The following C1QB variants were observed in gnomAD, a reference collection of about 807,000 sequenced individuals.
The protein encoded by C1QB is complement C1q subcomponent subunit B.
C1QB carries 2 observed loss-of-function variants against 4.6 expected under a neutral mutation model. The observed-to-expected ratio is 0.43, with a 90% CI of 0.18 to 1.36. The LOEUF (loss-of-function observed/expected upper bound fraction) is 1.36. Ranked by LOEUF, C1QB falls within the 40% of genes most tolerant of loss-of-function variation. The pLI, the probability that C1QB is intolerant of heterozygous loss-of-function variation, is 0.28. For synonymous variants in C1QB, 132 were observed against 137.1 expected, an observed-to-expected ratio of 0.96 and a Z score of 0.26; for missense variants, 292 against 338.0, an observed-to-expected ratio of 0.86 and a Z score of 1.07.
intron 1 of C1QB, among the ~76,000 whole-genome samples, chr1:22,656,661 C>A (rs1325968964): frequency 6.6e-6 from 1 of 152,152 alleles, no homozygotes; most frequent in African/African-American, 2.4e-5. Context: ...TCCCCACACA[C>A]CAAGCAAGCA....
chr1:22,659,377 T>A (rs1642585229), intron 1 of C1QB, 63 bp from the exon 2 acceptor site: 1 of 1,419,022 alleles, frequency 7.0e-7, no homozygotes, highest in Admixed American at 1.7e-5. Flanking sequence ...GATGGATGGA[T>A]GGATGGATGG....
intron 2 of C1QB, among the ~76,000 whole-genome samples, chr1:22,660,396 G>C (rs959638820): frequency 1.3e-5 from 2 of 152,112 alleles, no homozygotes; most frequent in Admixed American, 6.5e-5. Context: ...TGGCTGCTTG[G>C]GGGGTGGAGT....
chr1:22,659,730 C>T, intron 2 of C1QB, 87 bp downstream of exon 2: 1 of 1,470,954 alleles, frequency 6.8e-7, no homozygotes, highest in Non-Finnish European at 9.3e-7. Context: ...ACCTTTGAGA[C>T]TGCAAAAGCA....
intron 1 of C1QB, among the ~76,000 whole-genome samples, chr1:22,655,906 G>GA (rs1476957555): frequency 6.6e-6 from 1 of 152,098 alleles, no homozygotes. Context: ...TTCGAATGAA[G>GA]AAAAAACATT....
intron 2 of C1QB, 86 bp downstream of exon 2, chr1:22,659,729 A>G: frequency 6.8e-7 from 1 of 1,479,806 alleles, no homozygotes; most frequent in South Asian, 1.2e-5. Flanking sequence ...TACCTTTGAG[A>G]CTGCAAAAGC....
In C1QB at chr1:22,661,113, G is replaced by A; in HGVS notation, c.483G>A (p.Lys161=). 1 of 1,614,178 alleles carries A rather than the reference G, an allele frequency of 6.2e-7. No individual in the cohort carries two copies. Among genetic ancestry groups the A allele is most frequent in the Non-Finnish European group, 8.5e-7 (1 of 1,180,034 alleles). Residue 161 remains lysine, a synonymous_variant, in exon 3 of 3, where the codon AAG becomes AAA. Transcript: ENST00000509305. ...CCCGCAGTGGCAAGTTCACCTGCAAGGTGCCCGGTCTCTACTACTTCACCT... is the reference window on the plus strand; with the variant it reads ...CCCGCAGTGGCAAGTTCACCTGCAAAGTGCCCGGTCTCTACTACTTCACCT... ...YEPRSGKFTC[K]VPGLYYFTYH...
chr1:22,660,718 G>A (rs1194177853), intron 2 of C1QB, 94 bp from the exon 3 acceptor site: 34 of 1,265,820 alleles, frequency 2.7e-5, no homozygotes, highest in Non-Finnish European at 3.9e-5. Context: ...GGAGACTGAG[G>A]CTCAGAGAGA....
At position 22,661,168 on chromosome 1, in the gene C1QB, G is replaced by A. The variant is rs111512332; in HGVS notation, c.538G>A (p.Val180Met). 7.4e-4 allele frequency: 1,191 copies of A among 1,614,140 alleles called. 10 individuals are homozygous for A. The African/African-American group carries it at 0.013, about 17-fold the overall frequency. Reference protein sequence around the residue: ...YHASSRGNLCVNLMRGRERAQ... With the variant: ...YHASSRGNLCMNLMRGRERAQ... ...CGCCAGCTCTCGAGGGAACCTGTGC[G>A]TGAACCTCATGCGTGGCCGGGAGCG... Residue 180 changes from valine to methionine, a missense_variant, in exon 3 of 3, where the codon GTG (valine) becomes ATG (methionine). Physicochemically the swap from Val to Met is conservative, Grantham distance 21. Coordinates refer to ENST00000509305, the MANE Select transcript of C1QB (RefSeq NM_001378156.1).
At chr1:22,656,371 A>G (rs978731888) in intron 1 of C1QB, among the ~76,000 whole-genome samples, 2 of 152,200 alleles carry the variant, frequency 1.3e-5, no homozygotes, top group Non-Finnish European at 2.9e-5. Flanking sequence ...ATGTCCACCA[A>G]TGATGAGTGG....
intron 2 of C1QB, among the ~76,000 whole-genome samples, chr1:22,659,892 G>A (rs1217433715): frequency 6.6e-6 from 1 of 152,154 alleles, no homozygotes; most frequent in Non-Finnish European, 1.5e-5. Flanking sequence ...ACCAGACCAC[G>A]GATCTCTTAC....
At chr1:22,658,193 C>T (rs1361535504) in intron 1 of C1QB, among the ~76,000 whole-genome samples, 1 of 152,186 alleles carries the variant, frequency 6.6e-6, no homozygotes, top group African/African-American at 2.4e-5. Context: ...AGCTTAGTTG[C>T]CTCTCCACTC....
In C1QB at chr1:22,661,341, C is replaced by T. The variant is rs775134650; in HGVS notation, c.711C>T (p.Asn237=). 1 of 1,614,050 alleles carries T rather than the reference C, an allele frequency of 6.2e-7. No individual in the cohort carries two copies. The highest frequency in any genetic ancestry group is 8.5e-7 in the Non-Finnish European group (1 of 1,180,024). The change falls in exon 3 of 3, where the codon AAC becomes AAT. Residue 237 remains asparagine (N), a synonymous_variant. Transcript: ENST00000509305. The stretch of plus-strand genomic sequence containing the variant: ...CACTACTGGGCATGGAGGGTGCCAA[C>T]AGCATCTTTTCCGGGTTCCTGCTCT... The part of the protein sequence containing the change: ...KNSLLGMEGA[N]SIFSGFLLFP...
chr1:22,660,677 G>T, intron 2 of C1QB, 135 bp from the exon 3 acceptor site: 1 of 865,760 alleles, frequency 1.2e-6, no homozygotes, highest in Non-Finnish European at 1.9e-6. Flanking sequence ...CAGAGCCCCT[G>T]CCTGACACTG....
intron 1 of C1QB, among the ~76,000 whole-genome samples, chr1:22,656,073 T>C (rs1642525331): frequency 6.6e-6 from 1 of 152,108 alleles, no homozygotes; most frequent in Non-Finnish European, 1.5e-5. Flanking sequence ...GGAAATAATG[T>C]GATGTGCAGC....
rs750117917 is a variant in C1QB at position 22,661,039 on chromosome 1, A to G, written c.409A>G (p.Thr137Ala). ...CAACGTCCCCCTGCGCCGGGACCAG[A>G]CCATCCGCTTCGACCACGTGATCAC... ...TINVPLRRDQ[T>A]IRFDHVITNM... The change falls in exon 3 of 3, where the codon ACC becomes GCC. Residue 137 changes from threonine (T) to alanine (A), a missense_variant. Coordinates refer to ENST00000509305, the MANE Select transcript of C1QB (RefSeq NM_001378156.1). The G allele has an allele frequency of 1.9e-6, 3 of 1,613,842 alleles. No homozygotes were observed. In the African/African-American group the frequency reaches 4.0e-5, roughly 22 times the overall value.
At position 22,660,838 on chromosome 1, in the gene C1QB, G is replaced by A. The variant is rs1158228526; in HGVS notation, c.208G>A (p.Gly70Ser). 2 of 1,613,982 alleles carry A rather than the reference G, an allele frequency of 1.2e-6. No individual in the cohort carries two copies. Among genetic ancestry groups the A allele is most frequent in the South Asian group, 2.2e-5 (2 of 91,068 alleles). The part of the protein sequence containing the change: ...KGLPGLAGDH[G>S]EFGEKGDPGI... Reference sequence around the variant, plus strand: ...GCTTCCAGGGCTGGCTGGAGACCATGGTGAGTTCGGAGAGAAGGGAGACCC... The same window carrying A: ...GCTTCCAGGGCTGGCTGGAGACCATAGTGAGTTCGGAGAGAAGGGAGACCC... Residue 70 changes from glycine (G) to serine (S), a missense_variant, in exon 3 of 3, where the codon GGT (glycine) becomes AGT (serine). Coordinates refer to ENST00000509305, the MANE Select transcript of C1QB (RefSeq NM_001378156.1).
intron 1 of C1QB, among the ~76,000 whole-genome samples, chr1:22,655,721 C>A (rs972491308): frequency 7.2e-5 from 11 of 152,172 alleles, no homozygotes; most frequent in Admixed American, 6.5e-4. Context: ...CCACAAGTCC[C>A]AATGAGAGCT....
intron 2 of C1QB, among the ~76,000 whole-genome samples, chr1:22,660,117 C>A (rs623164): frequency 6.6e-6 from 1 of 152,034 alleles, no homozygotes; most frequent in South Asian, 2.1e-4. Flanking sequence ...TTTAACCTAC[C>A]GTTATAGAGC....
rs1557612787 is a variant in C1QB at position 22,660,865 on chromosome 1, G to C, written c.235G>C (p.Gly79Arg). 1 of 1,613,832 alleles carries C rather than the reference G, an allele frequency of 6.2e-7. No individual in the cohort carries two copies. The highest frequency in any genetic ancestry group is 1.3e-5 in the African/African-American group (1 of 74,988). ...HGEFGEKGDP[G>R]IPGNPGKVGP... ...TGAGTTCGGAGAGAAGGGAGACCCA[G>C]GGATTCCTGGGAATCCAGGAAAAGT... is the stretch of plus-strand genomic sequence containing the variant. Residue 79 changes from glycine to arginine, a missense_variant, in exon 3 of 3, where the codon GGG becomes CGG. Physicochemically the swap from Gly to Arg is moderately radical, Grantham distance 125. Coordinates refer to ENST00000509305, the MANE Select transcript of C1QB (RefSeq NM_001378156.1).
Sources: allele counts gnomAD v4.1 joint callset (sites outside exome capture counted in the v4.1 genomes callset), GRCh38; gene constraint gnomAD v4.1.1; transcripts MANE v1.5; gene names NCBI Gene and HGNC (gene_info 2026-07-23, HGNC 2026-07-21).